EDA: variants seen among roughly 807,000 people sequenced by gnomAD.
EDA encodes the protein ectodysplasin-A.
In EDA, 2 loss-of-function variants were observed where a neutral mutation model predicts 23.6. The ratio of observed to expected loss-of-function variants is 0.08; its 90% CI spans 0.03 to 0.27. EDA has a LOEUF of 0.27. Ranked by LOEUF, EDA falls within the 10% of genes least tolerant of loss-of-function variation. The pLI is 1.00. For missense variants in EDA, 229 were observed against 324.2 expected (o/e 0.71, Z 2.26); for synonymous variants, 131 against 132.0 (o/e 0.99, Z 0.05).
At chrX:69,953,252 G>A (rs999801406) in intron 1 of EDA, among the ~76,000 whole-genome samples, 3 of 112,259 alleles carry the variant, frequency 2.7e-5, no homozygotes, top group Admixed American at 9.4e-5. Flanking sequence ...AGATGTTACA[G>A]GTAGGTAAAG....
In EDA at chrX:69,910,374, A is replaced by AGAGAGAGAGT. The variant is rs1191245556; in HGVS notation, c.397-46652_397-46651insAGAGAGAGTG. Among the ~76,000 whole-genome samples, 69 of 41,755 alleles carry AGAGAGAGAGT rather than the reference A, an allele frequency of 1.7e-3. 2 individuals are homozygous for AGAGAGAGAGT. Among genetic ancestry groups the AGAGAGAGAGT allele is most frequent in the East Asian group, 0.016 (21 of 1,352 alleles). The allele number at this position is 41,755 out of a possible 115,157, so 36.3% of individuals were successfully genotyped here. ...AGGAGAGAGAGAGAGAGAGAGAGAG[A>AGAGAGAGAGT]GTGTGTGTGTGTGTGTGTGTGTGTG... On this transcript the variant is annotated intron_variant, in intron 1 of 7. Transcript: ENST00000374552.
At chrX:69,671,980 C>T (rs1333139306) in intron 1 of EDA, among the ~76,000 whole-genome samples, 3 of 111,889 alleles carry the variant, frequency 2.7e-5, no homozygotes, top group African/African-American at 6.5e-5. Context: ...AAGCCAAAGA[C>T]CAGGTCTTAA....
intron 1 of EDA, among the ~76,000 whole-genome samples, chrX:69,754,293 T>C (rs1413209022): frequency 8.9e-6 from 1 of 111,823 alleles, no homozygotes; most frequent in African/African-American, 3.3e-5. Flanking sequence ...TTTGTTTGTC[T>C]GTAAAGGATT....
At chrX:69,908,284 T>A (rs2018208224) in intron 1 of EDA, among the ~76,000 whole-genome samples, 1 of 110,746 alleles carries the variant, frequency 9.0e-6, no homozygotes, top group South Asian at 3.9e-4. Context: ...GTAAGATAAT[T>A]AATCCTATAT....
intron 1 of EDA, among the ~76,000 whole-genome samples, chrX:69,738,908 A>G (rs1186981662): frequency 2.7e-5 from 3 of 111,211 alleles, no homozygotes; most frequent in Non-Finnish European, 5.7e-5. Flanking sequence ...ATGGCCTAGC[A>G]TATGGTCTAA....
At chrX:69,735,459 T>A (rs1284804208) in intron 1 of EDA, among the ~76,000 whole-genome samples, 2 of 111,982 alleles carry the variant, frequency 1.8e-5, no homozygotes, top group Non-Finnish European at 1.9e-5. Flanking sequence ...TTTAATTGTT[T>A]GTTTTCTGAT....
At chrX:69,637,522 A>G (rs1227337606) in intron 1 of EDA, among the ~76,000 whole-genome samples, 2 of 111,023 alleles carry the variant, frequency 1.8e-5, no homozygotes, top group Non-Finnish European at 3.8e-5. Context: ...GACTGAGGAC[A>G]GAACATACTA....
chrX:69,956,595 C>T (rs1392775109), intron 1 of EDA, among the ~76,000 whole-genome samples: 5 of 110,883 alleles, frequency 4.5e-5, no homozygotes, highest in African/African-American at 1.6e-4. Context: ...CCGCCCACCT[C>T]GGCCTCCCAA....
chrX:69,864,935 G>T (rs1483485762), intron 1 of EDA, among the ~76,000 whole-genome samples: 3 of 111,276 alleles, frequency 2.7e-5, no homozygotes, highest in East Asian at 2.9e-4. Context: ...AGGTTGCAGT[G>T]AGTCGAGATC....
intron 1 of EDA, among the ~76,000 whole-genome samples, chrX:69,712,955 T>G (rs138494896): frequency 9.3e-6 from 1 of 107,630 alleles, no homozygotes; most frequent in African/African-American, 3.4e-5. Context: ...AGCAAACTAT[T>G]GCAGGGACAA....
intron 1 of EDA, among the ~76,000 whole-genome samples, chrX:69,916,569 A>AT (rs2018349790): frequency 9.3e-6 from 1 of 107,246 alleles, no homozygotes. Flanking sequence ...CGCCCGGCTA[A>AT]TTTTTTTGTA....
intron 1 of EDA, among the ~76,000 whole-genome samples, chrX:69,752,009 A>T: frequency 9.0e-6 from 1 of 111,175 alleles, no homozygotes. Context: ...ATATACAATC[A>T]TGTCATCTGC....
At chrX:69,661,525 A>G (rs1602263859) in intron 1 of EDA, among the ~76,000 whole-genome samples, 1 of 111,175 alleles carries the variant, frequency 9.0e-6, no homozygotes. Flanking sequence ...ATTTTTGTAT[A>G]TGGTGTAAGG....
intron 1 of EDA, among the ~76,000 whole-genome samples, chrX:69,751,557 A>G (rs766128006): frequency 2.6e-3 from 287 of 111,829 alleles, no homozygotes; most frequent in African/African-American, 8.5e-3. Context: ...TTCCAATTCT[A>G]TGAAGAAAGT....
chrX:69,694,732 TATC>T (rs2011275515), intron 1 of EDA, among the ~76,000 whole-genome samples: 1 of 112,136 alleles, frequency 8.9e-6, no homozygotes, highest in African/African-American at 3.2e-5. Flanking sequence ...AATTATGACT[TATC>T]ATTATACCAG....
chrX:69,932,939 CT>C (rs751812350), intron 1 of EDA, among the ~76,000 whole-genome samples: 35 of 101,973 alleles, frequency 3.4e-4, no homozygotes, highest in South Asian at 2.5e-3. Context: ...AGTTCCTCTT[CT>C]TTTTTTTTTT....
At chrX:69,652,958 T>C (rs921746785) in intron 1 of EDA, among the ~76,000 whole-genome samples, 1 of 111,678 alleles carries the variant, frequency 9.0e-6, no homozygotes, top group Non-Finnish European at 1.9e-5. Flanking sequence ...CTTGGCAATG[T>C]GGGCTCTTTT....
chrX:69,932,996 C>T (rs1277503453), intron 1 of EDA, among the ~76,000 whole-genome samples: 1 of 109,409 alleles, frequency 9.1e-6, no homozygotes, highest in Non-Finnish European at 1.9e-5. Flanking sequence ...AAACTATAGA[C>T]AGTATCTCTT....
intron 1 of EDA, among the ~76,000 whole-genome samples, chrX:69,812,413 C>G (rs911442252): frequency 1.8e-5 from 2 of 112,674 alleles, no homozygotes; most frequent in South Asian, 7.3e-4. Context: ...TGCATCAGTG[C>G]ACTTGTATTC....
Sources: gnomAD v4.1 joint callset for allele counts (sites outside exome capture counted in the v4.1 genomes callset) on GRCh38, gnomAD v4.1.1 for gene constraint, MANE v1.5 for transcripts, NCBI Gene and HGNC (gene_info 2026-07-23, HGNC 2026-07-21) for gene names.